JPH1: variants seen among roughly 807,000 people sequenced by gnomAD.
JPH1 encodes junctophilin 1, also known as junctophilin-1.
In JPH1, 12 loss-of-function variants were observed where a neutral mutation model predicts 53.6. That is an observed-to-expected ratio of 0.22 (90% CI 0.14 to 0.36). The LOEUF (loss-of-function observed/expected upper bound fraction) is 0.36. Ranked by LOEUF, JPH1 falls within the 10% of genes least tolerant of loss-of-function variation. The pLI is 1.00. For synonymous variants in JPH1, 375 were observed against 363.8 expected, an observed-to-expected ratio of 1.03 and a Z score of -0.35; for missense variants, 808 against 905.5, an observed-to-expected ratio of 0.89 and a Z score of 1.38.
At chr8:74,261,888 C>T (rs1401424469) in intron 2 of JPH1, among the ~76,000 whole-genome samples, 1 of 152,194 alleles carries the variant, frequency 6.6e-6, no homozygotes, top group Non-Finnish European at 1.5e-5. Context: ...GACACACCAC[C>T]ATACAGTCAA....
chr8:74,305,995 A>G (rs1807820542), intron 2 of JPH1, among the ~76,000 whole-genome samples: 2 of 151,670 alleles, frequency 1.3e-5, no homozygotes, highest in African/African-American at 4.9e-5. Flanking sequence ...GGCTGGAGAA[A>G]GAGTTTTTTT....
intron 4 of JPH1, among the ~76,000 whole-genome samples, chr8:74,242,819 G>T (rs1335840146): frequency 6.6e-6 from 1 of 152,244 alleles, no homozygotes; most frequent in Non-Finnish European, 1.5e-5. Context: ...TACTGAGATG[G>T]AGGATGCTTG....
In JPH1 at chr8:74,237,286, C is replaced by T; in HGVS notation, c.1923G>A (p.Met641Ile). ...KEANSGPNSI[M>I]IVLVMLLNIG... is the part of the protein sequence containing the mutation. ...TATTCAACAGCATGACAAGGACAAT[C>T]ATGATTGAATTAGGGCCCTGAAAAT... Residue 641 changes from methionine (M) to isoleucine (I), a missense_variant, in exon 5 of 6, where the codon ATG (methionine) becomes ATA (isoleucine). Coordinates refer to ENST00000342232, the MANE Select transcript of JPH1 (RefSeq NM_020647.4). 6.2e-7 allele frequency: 1 copy of T among 1,613,060 alleles called. No homozygotes were observed. The highest frequency in any genetic ancestry group is 8.5e-7 in the Non-Finnish European group (1 of 1,179,520).
At chr8:74,247,146 T>A (rs1192458005) in intron 3 of JPH1, among the ~76,000 whole-genome samples, 5 of 152,210 alleles carry the variant, frequency 3.3e-5, no homozygotes, top group Non-Finnish European at 7.3e-5. Flanking sequence ...CCCCTTGTGA[T>A]TCACCTGCAG....
At chr8:74,261,314 T>C (rs1173277756) in intron 2 of JPH1, among the ~76,000 whole-genome samples, 1 of 152,168 alleles carries the variant, frequency 6.6e-6, no homozygotes, top group Non-Finnish European at 1.5e-5. Context: ...AAGATGTTAA[T>C]AATAGGGGAT....
At chr8:74,267,985 C>T (rs16938844) in intron 2 of JPH1, among the ~76,000 whole-genome samples, 1 of 152,134 alleles carries the variant, frequency 6.6e-6, no homozygotes, top group African/African-American at 2.4e-5. Context: ...CAAAAAAGAC[C>T]TAAAGTGTTG....
intron 3 of JPH1, among the ~76,000 whole-genome samples, chr8:74,251,773 T>A (rs1806070714): frequency 6.6e-6 from 1 of 152,102 alleles, no homozygotes; most frequent in Non-Finnish European, 1.5e-5. Context: ...TTCAATGCCA[T>A]CCCCATCAAG....
chr8:74,245,290 T>A (rs965298863), intron 3 of JPH1, 115 bp from the exon 4 acceptor site: 2 of 851,708 alleles, frequency 2.3e-6, no homozygotes, highest in Non-Finnish European at 3.3e-6. Context: ...AGGCTTTGAC[T>A]AAACACATAT....
chr8:74,265,464 T>C (rs1806506536), intron 2 of JPH1, among the ~76,000 whole-genome samples: 1 of 152,168 alleles, frequency 6.6e-6, no homozygotes, highest in African/African-American at 2.4e-5. Flanking sequence ...TGCCAAATAA[T>C]TGGTTATTCT....
chr8:74,291,688 T>C (rs1807330526), intron 2 of JPH1, among the ~76,000 whole-genome samples: 1 of 152,254 alleles, frequency 6.6e-6, no homozygotes, highest in Non-Finnish European at 1.5e-5. Flanking sequence ...GTATGTTTAC[T>C]GTGGTACTAT....
At chr8:74,274,082 T>C (rs10092018) in intron 2 of JPH1, among the ~76,000 whole-genome samples, 10,749 of 152,284 alleles carry the variant, frequency 0.071, 974 homozygotes, top group African/African-American at 0.2. Context: ...GGCAAATGCA[T>C]GTGGCACCTT....
intron 2 of JPH1, among the ~76,000 whole-genome samples, chr8:74,267,141 TAGGCATCTGTA>T (rs1563403470): frequency 1.3e-5 from 2 of 152,208 alleles, no homozygotes; most frequent in African/African-American, 4.8e-5. Flanking sequence ...TTACATGACA[TAGGCATCTGTA>T]GTTGGAGATA....
chr8:74,316,269 T>C (rs1808155369), intron 1 of JPH1, among the ~76,000 whole-genome samples: 1 of 152,174 alleles, frequency 6.6e-6, no homozygotes, highest in South Asian at 2.1e-4. Context: ...CCACAATATA[T>C]ATTATGAATA....
intron 3 of JPH1, among the ~76,000 whole-genome samples, chr8:74,255,761 T>C (rs1308586595): frequency 2.6e-5 from 4 of 152,230 alleles, no homozygotes; most frequent in African/African-American, 4.8e-5. Context: ...CAAAAGAAGA[T>C]ATTTATGCAG....
At chr8:74,306,541 A>C (rs933243457) in intron 2 of JPH1, among the ~76,000 whole-genome samples, 9 of 152,170 alleles carry the variant, frequency 5.9e-5, no homozygotes, top group African/African-American at 2.2e-4. Flanking sequence ...AGAGGATAAC[A>C]ATATAAAGTA....
chr8:74,239,319 A>G (rs756758309), intron 4 of JPH1, among the ~76,000 whole-genome samples: 5 of 152,142 alleles, frequency 3.3e-5, no homozygotes, highest in Non-Finnish European at 5.9e-5. Context: ...TAGTCTGGTC[A>G]CTTCAGAGCT....
At position 74,237,022 on chromosome 8, in the gene JPH1, T is replaced by C. The variant is rs1049713871; in HGVS notation, c.*29A>G. On this transcript the variant is annotated 3_prime_UTR_variant, in exon 6 of 6. Transcript: ENST00000342232. ...GAACTGTGGGCTAACACACCACTAG[T>C]TGTCAGGACTTCACTGAAGGGTCAA... is the stretch of plus-strand genomic sequence containing the variant. 7.8e-5 allele frequency: 42 copies of C among 536,012 alleles called. No homozygotes were observed. The highest frequency in any genetic ancestry group is 2.1e-4 in the Admixed American group (6 of 28,822). 33.2% of individuals were successfully genotyped at this position (536,012 alleles called of 1,614,324 possible). A position where few individuals can be genotyped will look rare whatever the true frequency, so the allele number is the denominator to read the frequency against.
intron 3 of JPH1, among the ~76,000 whole-genome samples, chr8:74,250,178 A>G (rs1205486125): frequency 6.7e-6 from 1 of 149,938 alleles, no homozygotes; most frequent in African/African-American, 2.5e-5. Context: ...TCTGTCACCC[A>G]GGCTGGAGTA....
chr8:74,303,943 C>T (rs1586770156), intron 2 of JPH1, among the ~76,000 whole-genome samples: 1 of 152,184 alleles, frequency 6.6e-6, no homozygotes, highest in South Asian at 2.1e-4. Context: ...TCTCTCAACA[C>T]CCTACACCTA....
Sources: allele counts gnomAD v4.1 joint callset (sites outside exome capture counted in the v4.1 genomes callset), GRCh38; gene constraint gnomAD v4.1.1; transcripts MANE v1.5; gene names NCBI Gene and HGNC (gene_info 2026-07-23, HGNC 2026-07-21).